The following ALDH7A1 variants were observed in gnomAD, a reference collection of about 807,000 sequenced individuals.
ALDH7A1 encodes the protein alpha-aminoadipic semialdehyde dehydrogenase.
ALDH7A1 carries 63 observed loss-of-function variants against 79.9 expected under a neutral mutation model. The observed-to-expected ratio is 0.79, with a 90% CI of 0.64 to 0.97. The LOEUF is 0.97. Ranked by LOEUF, ALDH7A1 falls within the 50% of genes least tolerant of loss-of-function variation. The pLI is 0.00. For missense variants in ALDH7A1, 627 were observed against 665.2 expected (o/e 0.94, Z 0.63); for synonymous variants, 240 against 231.2 (o/e 1.04, Z -0.34).
intron 7 of ALDH7A1, among the ~76,000 whole-genome samples, chr5:126,572,671 C>CT (rs893397778): frequency 2.6e-5 from 4 of 152,194 alleles, no homozygotes; most frequent in Non-Finnish European, 4.4e-5. Context: ...ACACTTGTAA[C>CT]TGCATGTCCC....
At position 126,567,927 on chromosome 5, in the gene ALDH7A1, G is replaced by A. The variant is rs561337030; in HGVS notation, c.871+332C>T. 2.5e-3 allele frequency: 842 copies of A among 338,438 alleles called. 5 individuals are homozygous for A. The highest frequency in any genetic ancestry group is 4.0e-3 in the Non-Finnish European group (697 of 173,718). 21.0% of individuals were successfully genotyped at this position (338,438 alleles called of 1,614,324 possible). ...GCCTCCCGAGTAGCTGGGACTACAG[G>A]AGCCCGCCACCACGCCCCGCTAATT... On this transcript the variant is annotated intron_variant, in intron 9 of 17. Transcript: ENST00000409134.
At chr5:126,553,930 A>T (rs1208462876) in intron 13 of ALDH7A1, among the ~76,000 whole-genome samples, 1 of 151,936 alleles carries the variant, frequency 6.6e-6, no homozygotes, top group Middle Eastern at 3.2e-3. Context: ...TAACATGGGA[A>T]ACCCCATCTC....
At chr5:126,559,505 G>A (rs1348057466) in intron 10 of ALDH7A1, among the ~76,000 whole-genome samples, 171 bp from the exon 11 acceptor site, 2 of 143,192 alleles carry the variant, frequency 1.4e-5, no homozygotes, top group Non-Finnish European at 3.0e-5. Flanking sequence ...GCACGATCTC[G>A]GCTCACTGCA....
Position 126,544,510 on chromosome 5 carries a change from C to A in ALDH7A1, c.*455G>T. 1 of 205,780 alleles carries A rather than the reference C, an allele frequency of 4.9e-6. No individual in the cohort carries two copies. 12.7% of individuals were successfully genotyped at this position (205,780 alleles called of 1,614,324 possible). A position where few individuals can be genotyped will look rare whatever the true frequency, so the allele number is the denominator to read the frequency against. ...GGAATGCATCCCCCTTTCAATCACA[C>A]GACATCCAACACATGCCATAGGTGG... On this transcript the variant is annotated 3_prime_UTR_variant, in exon 18 of 18. Coordinates refer to ENST00000409134, the MANE Select transcript of ALDH7A1 (RefSeq NM_001182.5).
chr5:126,572,391 A>G (rs1359259467), intron 7 of ALDH7A1, among the ~76,000 whole-genome samples: 3 of 152,152 alleles, frequency 2.0e-5, no homozygotes, highest in Admixed American at 2.0e-4. Flanking sequence ...GCACAAGTAG[A>G]CTGTACTCTC....
chr5:126,589,543 G>T (rs1751470605), intron 3 of ALDH7A1, among the ~76,000 whole-genome samples: 1 of 152,038 alleles, frequency 6.6e-6, no homozygotes, highest in Admixed American at 6.5e-5. Flanking sequence ...CACTTTGGGA[G>T]GCCAAGGTGG....
chr5:126,576,277 A>G (rs904423580), intron 6 of ALDH7A1, among the ~76,000 whole-genome samples: 2 of 151,676 alleles, frequency 1.3e-5, no homozygotes, highest in African/African-American at 4.8e-5. Flanking sequence ...AAAAAAAAAA[A>G]AAAAGAATTG....
Position 126,582,895 on chromosome 5 carries a change from A to G in ALDH7A1, c.473T>C (p.Val158Ala), listed in dbSNP as rs2112802720. 6.2e-7 allele frequency: 1 copy of G among 1,613,468 alleles called. No homozygotes were observed. Among genetic ancestry groups the G allele is most frequent in the African/African-American group, 1.3e-5 (1 of 75,024 alleles). ...QEYVDICDYA[V>A]GLSRMIGGPI... is the part of the protein sequence containing the mutation. ...TCCTCCAATCATCCTTGATAAACCA[A>G]CAGCATAGTCACAGATATCCACATA... The change falls in exon 5 of 18, where the codon GTT becomes GCT. Residue 158 changes from valine to alanine, a missense_variant. By Grantham distance (64) the Val-to-Ala change is moderately conservative. Coordinates refer to ENST00000409134, the MANE Select transcript of ALDH7A1 (RefSeq NM_001182.5).
intron 8 of ALDH7A1, chr5:126,570,232 T>C (rs747940445): frequency 3.8e-5 from 6 of 157,484 alleles, no homozygotes; most frequent in Non-Finnish European, 8.4e-5. Flanking sequence ...GTGATAGATA[T>C]ACAATACTCT....
chr5:126,590,623 G>A (rs933573387), intron 3 of ALDH7A1, among the ~76,000 whole-genome samples: 43 of 152,250 alleles, frequency 2.8e-4, no homozygotes, highest in Admixed American at 2.6e-3. Context: ...GGTGGTTCAC[G>A]CCTGTAATCC....
Position 126,550,235 on chromosome 5 carries a change from A to G in ALDH7A1, c.1376T>C (p.Ile459Thr), listed in dbSNP as rs1057518529. The change falls in exon 15 of 18, where the codon ATC (isoleucine) becomes ACC (threonine). Residue 459 changes from isoleucine (I) to threonine (T), a missense_variant. Ile to Thr is a moderately conservative substitution (Grantham distance 89, BLOSUM62 -1). Coordinates refer to ENST00000409134, the MANE Select transcript of ALDH7A1 (RefSeq NM_001182.5). ...NEVKQGLSSSIFTKDLGRIFR... is the reference protein window; with the variant it reads ...NEVKQGLSSSTFTKDLGRIFR... ...GATTCTGCCCAGATCTTTGGTAAAG[A>G]TGCTACTTGAAAGTCCCTGTTTTAC... 9 of 1,613,472 alleles carry G rather than the reference A, an allele frequency of 5.6e-6. No homozygotes were observed. Among genetic ancestry groups the G allele is most frequent in the Admixed American group, 5.0e-5 (3 of 60,014 alleles).
At chr5:126,594,478 CTTG>C (rs1042045139) in intron 1 of ALDH7A1, 2 of 248,024 alleles carry the variant, frequency 8.1e-6, no homozygotes, top group African/African-American at 5.7e-5. Context: ...GAATTTCGCT[CTTG>C]TTGCTCAGGC....
rs7715516 is a variant in ALDH7A1 at position 126,542,466 on chromosome 5, C to T, written c.*2499G>A. 80,364 of 151,894 alleles carry T rather than the reference C, an allele frequency of 0.53. 22,040 individuals carry two copies. The highest frequency in any genetic ancestry group is 0.61 in the South Asian group (2,935 of 4,806). The allele number at this position is 151,894 out of a possible 1,614,324, so 9.4% of individuals were successfully genotyped here. A position where few individuals can be genotyped will look rare whatever the true frequency, so the allele number is the denominator to read the frequency against. On this transcript the variant is annotated 3_prime_UTR_variant, in exon 18 of 18. Transcript: ENST00000409134. ...ATCGCTTGAGGCCACAAGTTCAAGA[C>T]GAGCATGAGCAATGTAGTATGACCC...
intron 14 of ALDH7A1, among the ~76,000 whole-genome samples, chr5:126,550,587 A>G (rs1749961286): frequency 6.8e-6 from 1 of 146,428 alleles, no homozygotes; most frequent in Non-Finnish European, 1.6e-5. Flanking sequence ...GTAACACACC[A>G]ATCTAAGCAC....
At chr5:126,593,206 A>G in intron 2 of ALDH7A1, 145 bp downstream of exon 2, 2 of 1,377,476 alleles carry the variant, frequency 1.5e-6, no homozygotes, top group South Asian at 2.7e-5. Context: ...AAATAAACAC[A>G]TTATTCTCTT....
chr5:126,547,167 C>T (rs963521344), intron 16 of ALDH7A1, among the ~76,000 whole-genome samples: 8 of 152,214 alleles, frequency 5.3e-5, no homozygotes, highest in East Asian at 1.9e-4. Flanking sequence ...CCTGAGGTTC[C>T]GGAGCTAGTG....
At chr5:126,562,529 A>C (rs964891431) in intron 9 of ALDH7A1, 5 of 151,974 alleles carry the variant, frequency 3.3e-5, no homozygotes, top group African/African-American at 1.2e-4. Context: ...AGCCTTAAAA[A>C]GAAAATCCTA....
chr5:126,550,034 T>C, intron 15 of ALDH7A1, 32 bp from the exon 16 acceptor site: 5 of 1,601,652 alleles, frequency 3.1e-6, no homozygotes, highest in Non-Finnish European at 4.3e-6. Context: ...GTGAGAGCAA[T>C]GAACAGGAAA....
chr5:126,576,178 G>A (rs1024781981), intron 6 of ALDH7A1, among the ~76,000 whole-genome samples: 2 of 151,406 alleles, frequency 1.3e-5, no homozygotes, highest in African/African-American at 4.9e-5. Context: ...CAGGAGAATG[G>A]CGTGAACCTG....
Sources: gnomAD v4.1 joint callset for allele counts (sites outside exome capture counted in the v4.1 genomes callset) on GRCh38, gnomAD v4.1.1 for gene constraint, MANE v1.5 for transcripts, NCBI Gene and HGNC (gene_info 2026-07-23, HGNC 2026-07-21) for gene names.